Variants in CAPSL observed in about 807,000 individuals in gnomAD.
CAPSL encodes the protein calcyphosin-like protein.
A neutral mutation model predicts 21.3 loss-of-function variants in CAPSL; 17 were observed. The ratio of observed to expected loss-of-function variants is 0.80; its 90% confidence interval spans 0.55 to 1.20. CAPSL has a LOEUF of 1.20. Ranked by LOEUF, CAPSL falls within the 50% of genes most tolerant of loss-of-function variation. The pLI, the probability that CAPSL is intolerant of heterozygous loss-of-function variation, is 0.00. For synonymous variants in CAPSL, 102 were observed against 89.3 expected (o/e 1.14, Z -0.80); for missense variants, 289 against 259.3 (o/e 1.11, Z -0.79).
chr5:35,923,973 A>G (rs1231195726), intron 1 of CAPSL, among the ~76,000 whole-genome samples: 1 of 152,190 alleles, frequency 6.6e-6, no homozygotes, highest in African/African-American at 2.4e-5. Flanking sequence ...ATACTTCAAA[A>G]CATCATGTTA....
chr5:35,926,934 A>G (rs1013383232), intron 1 of CAPSL, among the ~76,000 whole-genome samples: 1 of 152,214 alleles, frequency 6.6e-6, no homozygotes, highest in Non-Finnish European at 1.5e-5. Flanking sequence ...GAACCGAAGC[A>G]GGTTTAGTCA....
At chr5:35,928,115 G>A (rs1738730275) in intron 1 of CAPSL, among the ~76,000 whole-genome samples, 1 of 152,198 alleles carries the variant, frequency 6.6e-6, no homozygotes, top group South Asian at 2.1e-4. Flanking sequence ...GGATCCTCCA[G>A]AGGGGATAAA....
chr5:35,912,769 G>A (rs1738266126), intron 2 of CAPSL, among the ~76,000 whole-genome samples: 1 of 152,190 alleles, frequency 6.6e-6, no homozygotes, highest in Admixed American at 6.5e-5. Context: ...AAAAAACAGA[G>A]CAGAAAAACT....
intron 2 of CAPSL, among the ~76,000 whole-genome samples, chr5:35,915,338 C>G (rs1738349044): frequency 6.6e-6 from 1 of 152,108 alleles, no homozygotes; most frequent in Admixed American, 6.5e-5. Flanking sequence ...GAAAAAGAGG[C>G]AATCCTCCCT....
intron 2 of CAPSL, among the ~76,000 whole-genome samples, chr5:35,912,660 G>T (rs529646722): frequency 3.5e-4 from 53 of 152,340 alleles, no homozygotes; most frequent in African/African-American, 1.3e-3. Flanking sequence ...CTGACTGTTA[G>T]AAGGAAAACT....
In CAPSL at chr5:35,921,011, C is replaced by G. The variant is rs773467327; in HGVS notation, c.110G>C (p.Gly37Ala). 6.2e-7 allele frequency: 1 copy of G among 1,614,118 alleles called. No individual in the cohort carries two copies. Among genetic ancestry groups the G allele is most frequent in the East Asian group, 2.2e-5 (1 of 44,878 alleles). Residue 37 changes from glycine to alanine, a missense_variant, in exon 2 of 5, where the codon GGC becomes GCC. Transcript: ENST00000651391. ...ERLRLQCLAR[G>A]SAGIKGLGRV... The stretch of plus-strand genomic sequence containing the variant: ...GCCAAGTCCTTTGATCCCAGCAGAG[C>G]CCCTGGCCAGGCACTGCAGTCGGAG...
intron 1 of CAPSL, among the ~76,000 whole-genome samples, chr5:35,929,279 CTTTTTTT>C (rs10574026): frequency 8.5e-6 from 1 of 117,676 alleles, no homozygotes; most frequent in Non-Finnish European, 1.7e-5. Flanking sequence ...AAAACAGTTC[CTTTTTTT>C]TTTTTTTTTT....
At chr5:35,924,019 T>A (rs113624451) in intron 1 of CAPSL, among the ~76,000 whole-genome samples, 40,513 of 151,184 alleles carry the variant, frequency 0.27, 5,741 homozygotes, top group African/African-American at 0.36. Flanking sequence ...TCTGTCAATT[T>A]AAAAAAAAAA....
chr5:35,910,408 T>A lies in CAPSL; in HGVS notation c.273A>T (p.Gly91=), dbSNP rs771781791. ...ATTCATTGAAGTCTATTGTTCCATT[T>A]CCATCTTTATCAAACCTCCGGAAAA... ...EELFRRFDKD[G]NGTIDFNEFL... Residue 91 remains glycine (G), a synonymous_variant, in exon 3 of 5, where the codon GGA becomes GGT. Coordinates refer to ENST00000651391, the MANE Select transcript of CAPSL (RefSeq NM_001042625.2). The A allele has an allele frequency of 2.5e-6, 4 of 1,613,906 alleles. No individual in the cohort carries two copies. The highest frequency in any genetic ancestry group is 3.4e-6 in the Non-Finnish European group (4 of 1,179,914).
chr5:35,920,514 T>C (rs944342120), intron 2 of CAPSL, among the ~76,000 whole-genome samples: 3 of 152,164 alleles, frequency 2.0e-5, no homozygotes, highest in Non-Finnish European at 2.9e-5. Flanking sequence ...GAGAACCCCA[T>C]TGGCAGTGAG....
chr5:35,911,259 A>G (rs564351558), intron 2 of CAPSL, among the ~76,000 whole-genome samples: 19 of 152,364 alleles, frequency 1.2e-4, no homozygotes, highest in African/African-American at 4.1e-4. Flanking sequence ...CTCTACAAAG[A>G]GGTTTCCTTC....
chr5:35,917,492 T>A (rs1469648186), intron 2 of CAPSL, among the ~76,000 whole-genome samples: 1 of 152,046 alleles, frequency 6.6e-6, no homozygotes, highest in Non-Finnish European at 1.5e-5. Context: ...ATAGACTGGA[T>A]TAAGAAAATG....
At chr5:35,934,242 C>A (rs970402532) in intron 1 of CAPSL, among the ~76,000 whole-genome samples, 1 of 152,240 alleles carries the variant, frequency 6.6e-6, no homozygotes, top group African/African-American at 2.4e-5. Context: ...ACTCCTTGCT[C>A]TTGAGCACCT....
chr5:35,915,587 T>C (rs894501242), intron 2 of CAPSL, among the ~76,000 whole-genome samples: 15 of 152,188 alleles, frequency 9.9e-5, no homozygotes, highest in African/African-American at 3.6e-4. Context: ...ATCCAGCATA[T>C]AAACAGAACC....
Position 35,921,133 on chromosome 5 carries a change from C to A in CAPSL, c.1-13G>T. ...CTGTCCCTGCCATCTGAGGGGAAGC[C>A]ATAGCATGTTAGCAAAGTCCAGGCC... is the stretch of plus-strand genomic sequence containing the variant. On this transcript the variant is annotated splice_polypyrimidine_tract_variant and intron_variant, in intron 1 of 4. Coordinates refer to ENST00000651391, the MANE Select transcript of CAPSL (RefSeq NM_001042625.2). The A allele has an allele frequency of 6.2e-7, 1 of 1,613,264 alleles. No individual in the cohort carries two copies. Among genetic ancestry groups the A allele is most frequent in the Non-Finnish European group, 8.5e-7 (1 of 1,179,806 alleles).
At chr5:35,933,840 A>G (rs928276857) in intron 1 of CAPSL, among the ~76,000 whole-genome samples, 12 of 152,254 alleles carry the variant, frequency 7.9e-5, no homozygotes, top group African/African-American at 2.9e-4. Context: ...ACAAGAAAAT[A>G]TACAAGAATT....
At chr5:35,922,049 A>C (rs1417230627) in intron 1 of CAPSL, among the ~76,000 whole-genome samples, 1 of 143,652 alleles carries the variant, frequency 7.0e-6, no homozygotes, top group Non-Finnish European at 1.5e-5. Context: ...AAGGATGTGC[A>C]AAGGACAGCA....
intron 2 of CAPSL, among the ~76,000 whole-genome samples, chr5:35,917,601 C>A (rs942446451): frequency 2.0e-5 from 3 of 152,086 alleles, no homozygotes; most frequent in Non-Finnish European, 4.4e-5. Flanking sequence ...TCATTCTCAG[C>A]AAACTATTGC....
chr5:35,909,296 G>A (rs1738135540), intron 4 of CAPSL, among the ~76,000 whole-genome samples: 1 of 152,064 alleles, frequency 6.6e-6, no homozygotes, highest in African/African-American at 2.4e-5. Flanking sequence ...TAATCTCAAA[G>A]CACACTAAAG....
Sources: allele counts gnomAD v4.1 joint callset (sites outside exome capture counted in the v4.1 genomes callset), GRCh38; gene constraint gnomAD v4.1.1; transcripts MANE v1.5; gene names NCBI Gene and HGNC (gene_info 2026-07-23, HGNC 2026-07-21).